Variants in DLGAP1 observed in about 807,000 individuals in gnomAD.
The protein encoded by DLGAP1 is disks large-associated protein 1.
In DLGAP1, 11 loss-of-function variants were observed where a neutral mutation model predicts 90.8. That is an observed-to-expected ratio of 0.12 (90% CI 0.08 to 0.20). DLGAP1 has a LOEUF of 0.20. DLGAP1 is among the 10% of genes least tolerant of loss of function. The probability of loss-of-function intolerance (pLI) is 1.00; values close to 1 mark genes in which losing one functional copy is unlikely to be tolerated. For missense variants in DLGAP1, 1,050 were observed against 1,333.8 expected (o/e 0.79, Z 3.31); for synonymous variants, 558 against 540.7 (o/e 1.03, Z -0.44).
At chr18:3,682,985 TA>T (rs1203286586) in intron 7 of DLGAP1, among the ~76,000 whole-genome samples, 1 of 151,680 alleles carries the variant, frequency 6.6e-6, no homozygotes, top group Non-Finnish European at 1.5e-5. Context: ...GCCTCTTGAG[TA>T]GGTGGGATTA....
chr18:3,840,592 T>G (rs1162951401), intron 4 of DLGAP1, among the ~76,000 whole-genome samples: 1 of 152,232 alleles, frequency 6.6e-6, no homozygotes, highest in Admixed American at 6.5e-5. Flanking sequence ...TGCAAAGTCA[T>G]CTTTTCCACA....
chr18:3,755,837 C>T lies in DLGAP1; in HGVS notation c.1173-13325G>A, dbSNP rs115155734. ...ACAGAACTAACGGATACCTATAGAA[C>T]ACTCCACTAAACAAAACCAGAATAC... On this transcript the variant is annotated intron_variant, in intron 5 of 12. Transcript: ENST00000315677. 1.8e-3 allele frequency among the ~76,000 whole-genome samples: 281 copies of T among 152,278 alleles called. 1 individual carries two copies. The highest frequency in any genetic ancestry group is 6.2e-3 in the African/African-American group (256 of 41,548).
intron 2 of DLGAP1, among the ~76,000 whole-genome samples, chr18:4,091,891 GT>G (rs68148153): frequency 0.6 from 89,619 of 149,256 alleles, 27,252 homozygotes; most frequent in Non-Finnish European, 0.65. Context: ...TCTTGATCAT[GT>G]TTTTTTTTTT....
intron 4 of DLGAP1, among the ~76,000 whole-genome samples, chr18:3,870,516 G>C (rs2070678659): frequency 6.6e-6 from 1 of 152,086 alleles, no homozygotes; most frequent in Non-Finnish European, 1.5e-5. Context: ...TGCTGCAGTT[G>C]CTCCCATTTA....
intron 1 of DLGAP1, among the ~76,000 whole-genome samples, chr18:4,153,620 G>C (rs141094302): frequency 2.0e-5 from 3 of 152,222 alleles, no homozygotes; most frequent in Non-Finnish European, 4.4e-5. Context: ...ATAATTATTT[G>C]AGTATCAGAA....
chr18:3,699,293 G>T (rs1270835057), intron 7 of DLGAP1, among the ~76,000 whole-genome samples: 1 of 152,064 alleles, frequency 6.6e-6, no homozygotes, highest in Non-Finnish European at 1.5e-5. Flanking sequence ...ATCTACCTTT[G>T]GTCTTTGATG....
chr18:4,357,157 CTTT>C (rs554248097), intron 1 of DLGAP1, among the ~76,000 whole-genome samples: 132 of 108,688 alleles, frequency 1.2e-3, no homozygotes, highest in African/African-American at 3.5e-3. Context: ...TGTTTTTTTC[CTTT>C]TTTTTTTTTT....
chr18:3,895,319 ACATCATCAT>A (rs548203011), intron 3 of DLGAP1, among the ~76,000 whole-genome samples: 1 of 148,358 alleles, frequency 6.7e-6, no homozygotes, highest in Non-Finnish European at 1.5e-5. Flanking sequence ...ACACACACAC[ACATCATCAT>A]CATCATCATC....
At chr18:4,274,430 A>T (rs1249763640) in intron 1 of DLGAP1, among the ~76,000 whole-genome samples, 1 of 152,074 alleles carries the variant, frequency 6.6e-6, no homozygotes, top group Admixed American at 6.6e-5. Flanking sequence ...ATGGACTAGT[A>T]TATGGTCCAT....
intron 7 of DLGAP1, among the ~76,000 whole-genome samples, chr18:3,634,230 A>C (rs546908266): frequency 6.6e-6 from 1 of 152,210 alleles, no homozygotes; most frequent in East Asian, 1.9e-4. Flanking sequence ...CCCCACTATA[A>C]ATTTGTATAC....
intron 8 of DLGAP1, among the ~76,000 whole-genome samples, chr18:3,581,342 C>T (rs1385565533): frequency 1.3e-5 from 2 of 152,178 alleles, no homozygotes; most frequent in East Asian, 1.9e-4. Flanking sequence ...CTAATTGTCA[C>T]ACTGGCTTAT....
chr18:3,615,404 A>G (rs928852153), intron 7 of DLGAP1, among the ~76,000 whole-genome samples: 7 of 152,296 alleles, frequency 4.6e-5, no homozygotes, highest in South Asian at 2.1e-4. Context: ...GATGCCTGTT[A>G]ACAAATAGGC....
At chr18:4,035,886 C>T (rs1311414531) in intron 2 of DLGAP1, among the ~76,000 whole-genome samples, 1 of 152,106 alleles carries the variant, frequency 6.6e-6, no homozygotes, top group Admixed American at 6.5e-5. Flanking sequence ...AGTACATAAT[C>T]AGTCTAATTT....
chr18:3,589,976 TCTCGG>T (rs1482143976), intron 7 of DLGAP1, among the ~76,000 whole-genome samples: 3 of 152,222 alleles, frequency 2.0e-5, no homozygotes, highest in South Asian at 4.1e-4. Flanking sequence ...AATGGCACCG[TCTCGG>T]CTCACTGCAA....
intron 2 of DLGAP1, among the ~76,000 whole-genome samples, chr18:4,026,507 T>C (rs754624864): frequency 2.6e-5 from 4 of 152,130 alleles, no homozygotes; most frequent in African/African-American, 9.7e-5. Context: ...AGGGGTTGGA[T>C]GTTACCAAAG....
chr18:4,025,946 T>C (rs567322807), intron 2 of DLGAP1, among the ~76,000 whole-genome samples: 7 of 152,340 alleles, frequency 4.6e-5, no homozygotes, highest in East Asian at 3.9e-4. Flanking sequence ...TAGCCAAATA[T>C]AGACAGCCAT....
At chr18:4,362,062 C>A (rs1025629816) in intron 1 of DLGAP1, among the ~76,000 whole-genome samples, 1 of 152,054 alleles carries the variant, frequency 6.6e-6, no homozygotes, top group African/African-American at 2.4e-5. Context: ...GGGATGGCTA[C>A]TATAAAATAA....
intron 4 of DLGAP1, among the ~76,000 whole-genome samples, chr18:3,867,133 T>C (rs1261107940): frequency 6.6e-6 from 1 of 152,210 alleles, no homozygotes; most frequent in Non-Finnish European, 1.5e-5. Context: ...ATTACAGGTG[T>C]GAACCACTGC....
chr18:4,207,852 C>CT (rs2077754106), intron 1 of DLGAP1, among the ~76,000 whole-genome samples: 1 of 152,154 alleles, frequency 6.6e-6, no homozygotes, highest in South Asian at 2.1e-4. Context: ...TTTAAGCTTT[C>CT]TTTTTTCCCC....
Sources: gnomAD v4.1 joint callset for allele counts (sites outside exome capture counted in the v4.1 genomes callset) on GRCh38, gnomAD v4.1.1 for gene constraint, MANE v1.5 for transcripts, NCBI Gene and HGNC (gene_info 2026-07-23, HGNC 2026-07-21) for gene names.